Variants in LPP observed in about 807,000 individuals in gnomAD.
The protein encoded by LPP is LIM domain containing preferred translocation partner in lipoma.
In LPP, 38 loss-of-function variants were observed where a neutral mutation model predicts 60.4. The ratio of observed to expected loss-of-function variants is 0.63; its 90% CI spans 0.49 to 0.83. The LOEUF is 0.83. Ranked by LOEUF, LPP falls within the 40% of genes least tolerant of loss-of-function variation. The pLI is 0.00. For synonymous variants in LPP, 328 were observed against 290.8 expected, an observed-to-expected ratio of 1.13 and a Z score of -1.30; for missense variants, 902 against 783.6, an observed-to-expected ratio of 1.15 and a Z score of -1.80.
At chr3:188,363,951 G>GCAAGAT (rs1267276956) in intron 3 of LPP, among the ~76,000 whole-genome samples, 2 of 151,442 alleles carry the variant, frequency 1.3e-5, no homozygotes, top group Admixed American at 1.3e-4. Context: ...GTTCCTTTGG[G>GCAAGAT]CAAGATGTTG....
At chr3:188,491,338 C>T (rs1451948235) in intron 5 of LPP, among the ~76,000 whole-genome samples, 2 of 152,152 alleles carry the variant, frequency 1.3e-5, no homozygotes, top group Non-Finnish European at 2.9e-5. Flanking sequence ...AGGTAGTGGA[C>T]AGTGTTGCCA....
chr3:188,566,669 A>G (rs572664252), intron 6 of LPP, among the ~76,000 whole-genome samples: 1 of 151,952 alleles, frequency 6.6e-6, no homozygotes, highest in Admixed American at 6.6e-5. Context: ...ACCACTAATC[A>G]TATACGAGAA....
At chr3:188,356,910 T>C (rs920859603) in intron 3 of LPP, among the ~76,000 whole-genome samples, 6 of 152,218 alleles carry the variant, frequency 3.9e-5, no homozygotes. Context: ...TGGTCAAGAA[T>C]ATGAATTTTA....
intron 3 of LPP, among the ~76,000 whole-genome samples, chr3:188,393,339 C>T (rs529572798): frequency 6.6e-6 from 1 of 152,138 alleles, no homozygotes; most frequent in African/African-American, 2.4e-5. Flanking sequence ...AGCACATGCT[C>T]CTAAAGCAGG....
intron 6 of LPP, among the ~76,000 whole-genome samples, chr3:188,599,499 T>C (rs1034185034): frequency 6.6e-6 from 1 of 152,086 alleles, no homozygotes; most frequent in African/African-American, 2.4e-5. Flanking sequence ...GGGAGATGTT[T>C]TTCTTCACAG....
In LPP at chr3:188,812,090, G is replaced by C. The variant is rs541634592; in HGVS notation, c.1410+51808G>C. On this transcript the variant is annotated intron_variant, in intron 9 of 11. Transcript: ENST00000617246. ...ATTCTTATTCCCTTACGTTCCTCCT[G>C]GTCTGTTCCTAGGTCAAGGTTGAGT... Among the ~76,000 whole-genome samples the C allele has an allele frequency of 3.9e-5, 6 of 152,012 alleles. 1 individual carries two copies. The South Asian group carries it at 1.2e-3, about 32-fold the overall frequency.
At chr3:188,297,280 A>G (rs1057126235) in intron 2 of LPP, among the ~76,000 whole-genome samples, 1 of 152,134 alleles carries the variant, frequency 6.6e-6, no homozygotes, top group African/African-American at 2.4e-5. Flanking sequence ...GGAAATAACA[A>G]CCACCCCTCA....
intron 1 of LPP, among the ~76,000 whole-genome samples, chr3:188,168,080 A>ATG (rs1033238995): frequency 9.8e-5 from 15 of 152,360 alleles, no homozygotes; most frequent in Non-Finnish European, 1.9e-4. Context: ...AAAATGTTTA[A>ATG]TGTTTTGAGC....
intron 3 of LPP, among the ~76,000 whole-genome samples, chr3:188,403,494 C>T (rs1463566226): frequency 4.6e-5 from 7 of 152,144 alleles, no homozygotes; most frequent in Non-Finnish European, 1.0e-4. Context: ...GTGCATAATG[C>T]ATTAAAAGTT....
At chr3:188,740,709 C>A (rs535123180) in intron 8 of LPP, among the ~76,000 whole-genome samples, 24 of 151,998 alleles carry the variant, frequency 1.6e-4, no homozygotes, top group Middle Eastern at 3.4e-3. Flanking sequence ...GTGTGCTCAG[C>A]AGGTTGTAAA....
chr3:188,272,479 G>A (rs906324490), intron 2 of LPP, among the ~76,000 whole-genome samples: 3 of 152,110 alleles, frequency 2.0e-5, no homozygotes, highest in Non-Finnish European at 2.9e-5. Context: ...CCACCTAACG[G>A]TTCTAGTTTT....
intron 9 of LPP, among the ~76,000 whole-genome samples, chr3:188,815,701 A>G (rs1047176609): frequency 7.2e-5 from 11 of 152,216 alleles, no homozygotes; most frequent in Non-Finnish European, 1.6e-4. Context: ...TTGGATAATT[A>G]TTGCGATTTT....
In LPP at chr3:188,889,884, C is replaced by T. The variant is rs948582031; in HGVS notation, c.*15405C>T. On this transcript the variant is annotated 3_prime_UTR_variant, in exon 12 of 12. Coordinates refer to ENST00000617246, the MANE Select transcript of LPP (RefSeq NM_001375462.1). ...CTGTTTTTACCTTGTCCAATTTCCA[C>T]ACTAGTCATTTTTTTTATTTTTTAG... is the stretch of plus-strand genomic sequence containing the variant. 6 of 212,584 alleles carry T rather than the reference C, an allele frequency of 2.8e-5. No homozygotes were observed. The highest frequency in any genetic ancestry group is 4.8e-5 in the Non-Finnish European group (5 of 105,038). 13.2% of individuals were successfully genotyped at this position (212,584 alleles called of 1,614,324 possible).
chr3:188,494,940 A>G (rs1409219749), intron 5 of LPP, among the ~76,000 whole-genome samples: 1 of 150,200 alleles, frequency 6.7e-6, no homozygotes, highest in African/African-American at 2.4e-5. Context: ...CACTGTTGTG[A>G]TATTTTGGGC....
At chr3:188,387,860 C>T (rs965762964) in intron 3 of LPP, among the ~76,000 whole-genome samples, 22 of 152,026 alleles carry the variant, frequency 1.4e-4, no homozygotes, top group African/African-American at 1.9e-4. Context: ...CCACCCTGCC[C>T]GGCCCAGAGG....
At chr3:188,842,259 C>T (rs534263971) in intron 9 of LPP, among the ~76,000 whole-genome samples, 4 of 152,278 alleles carry the variant, frequency 2.6e-5, no homozygotes, top group South Asian at 2.1e-4. Context: ...TTTTAATTTG[C>T]ATATCTCTGA....
At chr3:188,855,393 G>A (rs1354443577) in intron 9 of LPP, among the ~76,000 whole-genome samples, 1 of 152,194 alleles carries the variant, frequency 6.6e-6, no homozygotes, top group Non-Finnish European at 1.5e-5. Context: ...CATGGCAGAA[G>A]CATAGTAGCA....
At chr3:188,561,589 A>G (rs1413711900) in intron 6 of LPP, among the ~76,000 whole-genome samples, 4 of 152,058 alleles carry the variant, frequency 2.6e-5, no homozygotes, top group African/African-American at 9.7e-5. Flanking sequence ...AATGTGGCAA[A>G]TCGCTTTACT....
At chr3:188,409,829 T>G (rs947041470) in intron 4 of LPP, among the ~76,000 whole-genome samples, 14 of 152,240 alleles carry the variant, frequency 9.2e-5, no homozygotes, top group African/African-American at 3.4e-4. Context: ...GCAATCCATC[T>G]TGTTCTGACG....
Sources: gnomAD v4.1 joint callset for allele counts (sites outside exome capture counted in the v4.1 genomes callset) on GRCh38, gnomAD v4.1.1 for gene constraint, MANE v1.5 for transcripts, NCBI Gene and HGNC (gene_info 2026-07-23, HGNC 2026-07-21) for gene names.